The following ATL2 variants were observed in gnomAD, a reference collection of about 807,000 sequenced individuals.
The protein encoded by ATL2 is atlastin-2.
ATL2 carries 31 observed loss-of-function variants against 73.9 expected under a neutral mutation model. The ratio of observed to expected loss-of-function variants is 0.42; its 90% confidence interval spans 0.32 to 0.57. ATL2 has a LOEUF of 0.57. Among genes scored for constraint, ATL2 ranks in the 20% least tolerant of loss-of-function variants. The pLI is 0.14. For missense variants in ATL2, 738 were observed against 702.6 expected (o/e 1.05, Z -0.57); for synonymous variants, 291 against 237.5 (o/e 1.23, Z -2.07).
chr2:38,298,613 A>C, intron 11 of ATL2, 38 bp from the exon 12 acceptor site: 2 of 1,559,450 alleles, frequency 1.3e-6, no homozygotes, highest in Admixed American at 2.0e-5. Flanking sequence ...TGCTAGAAAT[A>C]ATTAACACTT....
intron 12 of ATL2, 69 bp downstream of exon 12, chr2:38,298,075 T>C (rs2148398825): frequency 1.4e-6 from 2 of 1,436,022 alleles, no homozygotes; most frequent in Non-Finnish European, 1.9e-6. Flanking sequence ...GGAGTACAAA[T>C]ACTGCAAAGG....
chr2:38,346,888 A>G (rs987889239), intron 1 of ATL2, among the ~76,000 whole-genome samples: 10 of 151,744 alleles, frequency 6.6e-5, no homozygotes, highest in African/African-American at 2.4e-4. Context: ...CTCTTTCTAG[A>G]CTCTGCTTTA....
chr2:38,313,779 T>C (rs1328488513), intron 6 of ATL2, among the ~76,000 whole-genome samples: 2 of 152,184 alleles, frequency 1.3e-5, no homozygotes, highest in Non-Finnish European at 2.9e-5. Flanking sequence ...TTGAACCATA[T>C]TTCTGGCCTC....
chr2:38,369,535 C>G (rs1338655328), intron 1 of ATL2, among the ~76,000 whole-genome samples: 2 of 151,682 alleles, frequency 1.3e-5, no homozygotes, highest in Non-Finnish European at 2.9e-5. Flanking sequence ...ATCCACCCGC[C>G]TTAGCCTCCC....
chr2:38,351,618 A>G (rs1670351734), intron 1 of ATL2, among the ~76,000 whole-genome samples: 2 of 151,528 alleles, frequency 1.3e-5, no homozygotes, highest in South Asian at 4.2e-4. Flanking sequence ...CACAGCCTCC[A>G]GAGTAGCTGG....
intron 1 of ATL2, chr2:38,376,180 C>G: frequency 6.6e-7 from 1 of 1,521,852 alleles, no homozygotes; most frequent in Non-Finnish European, 8.8e-7. Context: ...TAAGTACCAT[C>G]AAAATTTTCA....
At chr2:38,334,216 G>C (rs1669170739) in intron 2 of ATL2, among the ~76,000 whole-genome samples, 1 of 151,534 alleles carries the variant, frequency 6.6e-6, no homozygotes, top group South Asian at 2.1e-4. Flanking sequence ...TTTTGGTAGA[G>C]ACGGTGTTTC....
At position 38,346,017 on chromosome 2, in the gene ATL2, T is replaced by C. The variant is rs554352687; in HGVS notation, c.119-2505A>G. Among the ~76,000 whole-genome samples the C allele has an allele frequency of 3.9e-5, 6 of 152,330 alleles. No homozygotes were observed. The East Asian group carries it at 9.6e-4, about 24-fold the overall frequency. On this transcript the variant is annotated intron_variant, in intron 1 of 12. Coordinates refer to ENST00000378954, the MANE Select transcript of ATL2 (RefSeq NM_001135673.4). ...ACAGGAGAAGCTTTTATTTTCCCCT[T>C]GAAATGCCAAAATGCTATGGTGATT... is the stretch of plus-strand genomic sequence containing the variant.
intron 1 of ATL2, among the ~76,000 whole-genome samples, chr2:38,351,567 C>T (rs1670348408): frequency 6.6e-6 from 1 of 151,172 alleles, no homozygotes; most frequent in Non-Finnish European, 1.5e-5. Context: ...GATCTCGGCT[C>T]ACTACAACCT....
intron 2 of ATL2, among the ~76,000 whole-genome samples, chr2:38,324,885 G>C (rs1204495657): frequency 1.3e-5 from 2 of 152,208 alleles, no homozygotes; most frequent in African/African-American, 4.8e-5. Flanking sequence ...ATTGGGGAGA[G>C]AAATGGGGAG....
At chr2:38,340,202 G>A (rs932521341) in intron 2 of ATL2, among the ~76,000 whole-genome samples, 35 of 116,404 alleles carry the variant, frequency 3.0e-4, no homozygotes, top group African/African-American at 1.1e-3. Flanking sequence ...CATTAACTGA[G>A]AAGGAACACA....
At chr2:38,309,161 C>T (rs942526715) in intron 9 of ATL2, among the ~76,000 whole-genome samples, 3 of 152,054 alleles carry the variant, frequency 2.0e-5, no homozygotes, top group African/African-American at 7.2e-5. Context: ...TAAGATAATT[C>T]TGTAAATAAA....
intron 1 of ATL2, among the ~76,000 whole-genome samples, chr2:38,355,681 G>C (rs984379623): frequency 2.7e-5 from 4 of 149,674 alleles, no homozygotes; most frequent in African/African-American, 9.9e-5. Flanking sequence ...ACAGATAAAT[G>C]CATAGTCACA....
In ATL2 at chr2:38,298,297, G is replaced by A. The variant is rs115325854; in HGVS notation, c.1479C>T (p.Gly493=). 55 of 1,614,074 alleles carry A rather than the reference G, an allele frequency of 3.4e-5. No homozygotes were observed. The African/African-American group carries it at 6.8e-4, about 20-fold the overall frequency. Residue 493 remains glycine (G), a synonymous_variant, in exon 12 of 13, where the codon GGC becomes GGT. Coordinates refer to ENST00000378954, the MANE Select transcript of ATL2 (RefSeq NM_001135673.4). The part of the protein sequence containing the change: ...FAMYIISGLT[G]FIGLNSIAVL... ...CAGCTATAGAGTTTAGGCCAATGAA[G>A]CCAGTCAGTCCTGAGATTATATACA...
chr2:38,309,134 C>G (rs10169202), intron 9 of ATL2, among the ~76,000 whole-genome samples: 165 of 152,122 alleles, frequency 1.1e-3, no homozygotes, highest in African/African-American at 3.8e-3. Flanking sequence ...CTCTCCATAT[C>G]TGAGATGGAG....
chr2:38,344,043 T>A (rs981218592), intron 1 of ATL2, among the ~76,000 whole-genome samples: 4 of 152,138 alleles, frequency 2.6e-5, no homozygotes, highest in Admixed American at 6.5e-5. Flanking sequence ...AGCATGAAAA[T>A]GGACTCATAC....
intron 7 of ATL2, among the ~76,000 whole-genome samples, 183 bp downstream of exon 7, chr2:38,312,968 C>G (rs1411348377): frequency 6.6e-6 from 1 of 152,146 alleles, no homozygotes. Context: ...AGGACACTGT[C>G]TTCTTTGGTA....
chr2:38,358,564 C>A, intron 1 of ATL2: 1 of 328,900 alleles, frequency 3.0e-6, no homozygotes, highest in Non-Finnish European at 6.3e-6. Flanking sequence ...CGGTGGCAGG[C>A]GCCTGTAGTC....
chr2:38,357,463 A>C (rs894104867), intron 1 of ATL2, among the ~76,000 whole-genome samples: 1 of 151,478 alleles, frequency 6.6e-6, no homozygotes, highest in African/African-American at 2.4e-5. Flanking sequence ...AAAAAAAAAG[A>C]AGTAGCATGG....
Sources: allele counts gnomAD v4.1 joint callset (sites outside exome capture counted in the v4.1 genomes callset), GRCh38; gene constraint gnomAD v4.1.1; transcripts MANE v1.5; gene names NCBI Gene and HGNC (gene_info 2026-07-23, HGNC 2026-07-21).